SLC14A2: variants seen among roughly 807,000 people sequenced by gnomAD.
SLC14A2 encodes solute carrier family 14 member 2.
A neutral mutation model predicts 104.6 loss-of-function variants in SLC14A2; 91 were observed. That is an observed-to-expected ratio of 0.87 (90% CI 0.73 to 1.04). The LOEUF (loss-of-function observed/expected upper bound fraction) is 1.04, where lower values mean the gene tolerates loss of function less well. Among genes scored for constraint, SLC14A2 ranks in the 50% least tolerant of loss-of-function variants. The pLI, the probability that SLC14A2 is intolerant of heterozygous loss-of-function variation, is 0.00. For missense variants in SLC14A2, 1,189 were observed against 1,156.0 expected (o/e 1.03, Z -0.41); for synonymous variants, 476 against 466.4 (o/e 1.02, Z -0.27).
intron 2 of SLC14A2, among the ~76,000 whole-genome samples, chr18:45,590,299 C>T (rs940999452): frequency 1.3e-5 from 2 of 152,130 alleles, no homozygotes; most frequent in Non-Finnish European, 2.9e-5. Context: ...CTCCTTGCCT[C>T]AGATCAGAGC....
intron 2 of SLC14A2, among the ~76,000 whole-genome samples, chr18:45,595,835 T>A (rs555041506): frequency 1.3e-5 from 2 of 152,228 alleles, no homozygotes; most frequent in African/African-American, 4.8e-5. Context: ...TGAACGTCCT[T>A]GTTCAACTCA....
chr18:45,374,072 T>G (rs2085749594), intron 1 of SLC14A2, among the ~76,000 whole-genome samples: 1 of 152,210 alleles, frequency 6.6e-6, no homozygotes, highest in Non-Finnish European at 1.5e-5. Context: ...TTAGTCCTCT[T>G]AAGATCCTGT....
At chr18:45,513,823 GA>G (rs1013114703) in intron 2 of SLC14A2, among the ~76,000 whole-genome samples, 36 of 152,270 alleles carry the variant, frequency 2.4e-4, no homozygotes, top group African/African-American at 8.2e-4. Flanking sequence ...ACCCATAGTG[GA>G]GGAAGTTTCT....
chr18:45,367,455 C>T (rs1427593561), intron 1 of SLC14A2, among the ~76,000 whole-genome samples: 1 of 152,168 alleles, frequency 6.6e-6, no homozygotes, highest in African/African-American at 2.4e-5. Context: ...TTATTCAGTG[C>T]ATGTAAAGAA....
intron 1 of SLC14A2, among the ~76,000 whole-genome samples, chr18:45,279,294 C>T (rs1233001333): frequency 6.6e-6 from 1 of 152,196 alleles, no homozygotes; most frequent in Non-Finnish European, 1.5e-5. Flanking sequence ...CTAGCAAAAA[C>T]AGGTCACTTG....
At chr18:45,174,582 G>A in the SLC14A2 span, among the ~76,000 whole-genome samples, 3 of 152,078 alleles carry the variant, frequency 2.0e-5, no homozygotes, top group African/African-American at 2.4e-5. Flanking sequence ...ATTGTCATCC[G>A]TCCCTGCTTC....
At chr18:45,413,751 G>T (rs140340601) in intron 1 of SLC14A2, among the ~76,000 whole-genome samples, 462 of 152,252 alleles carry the variant, frequency 3.0e-3, no homozygotes, top group Non-Finnish European at 4.8e-3. Flanking sequence ...GCAACAGTTT[G>T]GATCCCATTT....
At chr18:45,416,184 T>G (rs916584637) in intron 1 of SLC14A2, among the ~76,000 whole-genome samples, 2 of 152,098 alleles carry the variant, frequency 1.3e-5, no homozygotes, top group Non-Finnish European at 1.5e-5. Flanking sequence ...TATTTTTTTC[T>G]TTTTTTAAGG....
chr18:45,485,204 C>T (rs2087577529), intron 2 of SLC14A2: 1 of 152,142 alleles, frequency 6.6e-6, no homozygotes, highest in Admixed American at 6.5e-5. Context: ...CACATGATAG[C>T]CCAGTCAAAC....
chr18:45,584,380 C>A (rs1198898724), intron 2 of SLC14A2, among the ~76,000 whole-genome samples: 1 of 152,222 alleles, frequency 6.6e-6, no homozygotes, highest in Non-Finnish European at 1.5e-5. Context: ...ACGCCACATG[C>A]CCACACTTAC....
At chr18:45,205,557 C>T in the SLC14A2 span, among the ~76,000 whole-genome samples, 1 of 152,128 alleles carries the variant, frequency 6.6e-6, no homozygotes, top group Non-Finnish European at 1.5e-5. Context: ...TGTTGTGGTG[C>T]TTAAGAGCCC....
chr18:45,682,298 ATCTGTGT>A lies in SLC14A2; in HGVS notation c.2563-17_2563-11del. The stretch of plus-strand genomic sequence containing the variant: ...CAGGCACCTGATGTGACCAAGGCTT[ATCTGTGT>A]TCTTTCTCTCCAGTTTGGATTGCCG... On this transcript the variant is annotated splice_polypyrimidine_tract_variant and intron_variant, in intron 19 of 19. Transcript: ENST00000255226. 6.2e-7 allele frequency: 1 copy of A among 1,612,014 alleles called. No homozygotes were observed. The highest frequency in any genetic ancestry group is 8.5e-7 in the Non-Finnish European group (1 of 1,178,072).
chr18:45,219,430 T>G (rs2084040812), intron 1 of SLC14A2, among the ~76,000 whole-genome samples: 1 of 152,212 alleles, frequency 6.6e-6, no homozygotes, highest in Non-Finnish European at 1.5e-5. Flanking sequence ...GTTAGAAGCA[T>G]ATTCACCACA....
chr18:45,304,939 G>C (rs1568143643), intron 1 of SLC14A2, among the ~76,000 whole-genome samples: 1 of 152,266 alleles, frequency 6.6e-6, no homozygotes. Flanking sequence ...ATAATGCTTT[G>C]TTAGAGAATA....
chr18:45,341,969 C>T (rs1030196993), intron 1 of SLC14A2, among the ~76,000 whole-genome samples: 1 of 152,070 alleles, frequency 6.6e-6, no homozygotes, highest in Non-Finnish European at 1.5e-5. Flanking sequence ...TTTGTTCAGC[C>T]TGGAGTTATA....
intron 1 of SLC14A2, among the ~76,000 whole-genome samples, chr18:45,236,676 G>A (rs1432574534): frequency 1.3e-5 from 2 of 151,420 alleles, no homozygotes; most frequent in Non-Finnish European, 2.9e-5. Context: ...AATGGACACT[G>A]ATCTTGATTC....
chr18:45,320,357 C>T (rs959603975), intron 1 of SLC14A2, among the ~76,000 whole-genome samples: 2 of 152,128 alleles, frequency 1.3e-5, no homozygotes, highest in African/African-American at 4.8e-5. Context: ...GTGAGGCTAA[C>T]GACTTTCATG....
chr18:45,308,689 C>A (rs1454242451), intron 1 of SLC14A2, among the ~76,000 whole-genome samples: 2 of 152,176 alleles, frequency 1.3e-5, no homozygotes, highest in Admixed American at 6.5e-5. Flanking sequence ...CTTGCCATCC[C>A]TTACAGTGTG....
intron 1 of SLC14A2, among the ~76,000 whole-genome samples, chr18:45,261,164 T>G (rs1226843816): frequency 6.8e-6 from 1 of 146,620 alleles, no homozygotes; most frequent in Non-Finnish European, 1.5e-5. Flanking sequence ...TCCTCCCCCC[T>G]GCCCCCACCC....
Sources: gnomAD v4.1 joint callset for allele counts (sites outside exome capture counted in the v4.1 genomes callset) on GRCh38, gnomAD v4.1.1 for gene constraint, MANE v1.5 for transcripts, NCBI Gene and HGNC (gene_info 2026-07-23, HGNC 2026-07-21) for gene names.